RAPH1: variants seen among roughly 807,000 people sequenced by gnomAD.
RAPH1 encodes ras-associated and pleckstrin homology domains-containing protein 1.
In RAPH1, 18 loss-of-function variants were observed where a neutral mutation model predicts 88.1. The observed-to-expected ratio is 0.20, with a 90% CI of 0.14 to 0.30. RAPH1 has a LOEUF of 0.30. Ranked by LOEUF, RAPH1 falls within the 10% of genes least tolerant of loss-of-function variation. RAPH1 has a pLI of 1.00. For missense variants in RAPH1, 1,448 were observed against 1,543.2 expected, an observed-to-expected ratio of 0.94 and a Z score of 1.03; for synonymous variants, 587 against 559.0, an observed-to-expected ratio of 1.05 and a Z score of -0.71.
chr2:203,497,070 G>T (rs1197600804), intron 1 of RAPH1, among the ~76,000 whole-genome samples: 4 of 152,202 alleles, frequency 2.6e-5, no homozygotes, highest in Non-Finnish European at 5.9e-5. Flanking sequence ...GGGCCTTAAA[G>T]AAGTGATTGG....
chr2:203,502,217 G>A lies in RAPH1; in HGVS notation c.1-6864C>T, dbSNP rs866515512. Among the ~76,000 whole-genome samples the A allele has an allele frequency of 4.6e-5, 7 of 152,288 alleles. No homozygotes were observed. In the South Asian group the frequency reaches 1.5e-3, roughly 32 times the overall value. On this transcript the variant is annotated intron_variant, in intron 1 of 13. Coordinates refer to ENST00000319170, the MANE Select transcript of RAPH1 (RefSeq NM_213589.3). ...ACCTGGAACTCAGTTTTGTAAAACT[G>A]CCAGATGGAACCAAACCTTCCTAAC...
intron 4 of RAPH1, among the ~76,000 whole-genome samples, chr2:203,474,201 CAA>C (rs1162761244): frequency 6.6e-6 from 1 of 152,102 alleles, no homozygotes; most frequent in African/African-American, 2.4e-5. Context: ...CAGTGGTTCT[CAA>C]AAGAGGGTAG....
intron 1 of RAPH1, among the ~76,000 whole-genome samples, chr2:203,533,172 G>A (rs1475164186): frequency 1.3e-5 from 2 of 152,148 alleles, no homozygotes; most frequent in Non-Finnish European, 2.9e-5. Flanking sequence ...CTTTCACCCA[G>A]TCACATACTC....
intron 4 of RAPH1, among the ~76,000 whole-genome samples, chr2:203,479,391 G>A (rs772463459): frequency 5.1e-4 from 78 of 152,076 alleles, no homozygotes; most frequent in Admixed American, 1.8e-3. Context: ...ATCACTTGAG[G>A]TCAGGAGTTC....
At chr2:203,466,304 T>C (rs2098528427) in intron 4 of RAPH1, among the ~76,000 whole-genome samples, 1 of 152,214 alleles carries the variant, frequency 6.6e-6, no homozygotes, top group African/African-American at 2.4e-5. Flanking sequence ...CTAATATTTT[T>C]ATGCTTCCTG....
At chr2:203,506,747 T>TCG (rs1559494088) in intron 1 of RAPH1, among the ~76,000 whole-genome samples, 10 of 120,514 alleles carry the variant, frequency 8.3e-5, no homozygotes, top group African/African-American at 4.0e-4. Flanking sequence ...TATATCTATA[T>TCG]ATATATATAT....
rs752422553 is a variant in RAPH1 at position 203,437,412 on chromosome 2, CTA to C, written c.*2023_*2024del. The C allele has an allele frequency of 7.9e-5, 12 of 152,300 alleles. No homozygotes were observed. Among genetic ancestry groups the C allele is most frequent in the South Asian group, 4.1e-4 (2 of 4,830 alleles). The allele number at this position is 152,300 out of a possible 1,614,324, so 9.4% of individuals were successfully genotyped here. On this transcript the variant is annotated 3_prime_UTR_variant, in exon 14 of 14. Coordinates refer to ENST00000319170, the MANE Select transcript of RAPH1 (RefSeq NM_213589.3). Reference sequence around the variant, plus strand: ...AAACTATAAAACTGCAGGCAGAAGACTATGAGAAATTCATTCATGAATCACAG... The same window carrying C: ...AAACTATAAAACTGCAGGCAGAAGACTGAGAAATTCATTCATGAATCACAG...
At chr2:203,506,761 T>G (rs182751700) in intron 1 of RAPH1, among the ~76,000 whole-genome samples, 4,455 of 128,524 alleles carry the variant, frequency 0.035, 201 homozygotes, top group Middle Eastern at 0.049. Context: ...TATATATCTA[T>G]ATATATATCT....
At chr2:203,468,775 T>A (rs1335383604) in intron 4 of RAPH1, among the ~76,000 whole-genome samples, 3 of 152,164 alleles carry the variant, frequency 2.0e-5, no homozygotes, top group East Asian at 3.9e-4. Context: ...ATAAAATGGA[T>A]TGGAAGGGGG....
intron 1 of RAPH1, among the ~76,000 whole-genome samples, chr2:203,529,006 T>TAC (rs1553633902): frequency 8.7e-5 from 4 of 46,098 alleles, no homozygotes; most frequent in Admixed American, 2.3e-4. Flanking sequence ...TATATATATA[T>TAC]TTTTTTTTTT....
At chr2:203,456,844 TTTAA>T (rs1288715145) in intron 8 of RAPH1, among the ~76,000 whole-genome samples, 1 of 152,188 alleles carries the variant, frequency 6.6e-6, no homozygotes, top group Non-Finnish European at 1.5e-5. Flanking sequence ...TTAAAAATTA[TTTAA>T]TTATTTAAGG....
chr2:203,498,473 A>T (rs1398175387), intron 1 of RAPH1, among the ~76,000 whole-genome samples: 1 of 152,242 alleles, frequency 6.6e-6, no homozygotes, highest in Non-Finnish European at 1.5e-5. Flanking sequence ...CAGGTATTAT[A>T]TCATTCCCAT....
In RAPH1 at chr2:203,440,219, C is replaced by T. The variant is rs374132031; in HGVS notation, c.2971G>A (p.Glu991Lys). ...CTGTCCACCGAGGGTCTCTTGGGCT[C>T]GGGGTGCTCTGCACCACTGCTGGAT... ...IKSSSGAEHPEPKRPSVDSLV... is the reference protein window; with the variant it reads ...IKSSSGAEHPKPKRPSVDSLV... Residue 991 changes from glutamate to lysine, a missense_variant, in exon 14 of 14, where the codon GAG becomes AAG. Around this residue, in one of 2 missense-constraint regions of RAPH1, gnomAD observed 935 missense variants for 890.1 expected, o/e 1.05. Transcript: ENST00000319170. 245 of 1,613,792 alleles carry T rather than the reference C, an allele frequency of 1.5e-4. No homozygotes were observed. The highest frequency in any genetic ancestry group is 1.9e-4 in the Non-Finnish European group (225 of 1,179,998).
intron 1 of RAPH1, among the ~76,000 whole-genome samples, chr2:203,528,637 G>A (rs993856875): frequency 6.6e-6 from 1 of 152,122 alleles, no homozygotes; most frequent in Non-Finnish European, 1.5e-5. Context: ...GGAAATTTCT[G>A]TGTTAATGAG....
chr2:203,516,142 T>C (rs1581397889), intron 1 of RAPH1, among the ~76,000 whole-genome samples: 1 of 152,192 alleles, frequency 6.6e-6, no homozygotes, highest in African/African-American at 2.4e-5. Context: ...TATTTTGTTA[T>C]AAGGTACTCA....
chr2:203,483,058 G>A (rs1223175065), intron 4 of RAPH1, among the ~76,000 whole-genome samples: 1 of 152,190 alleles, frequency 6.6e-6, no homozygotes, highest in Non-Finnish European at 1.5e-5. Context: ...AGTATGGCTA[G>A]TGGGGTAAGG....
intron 1 of RAPH1, among the ~76,000 whole-genome samples, chr2:203,512,680 T>C (rs575201433): frequency 6.1e-5 from 9 of 148,296 alleles, no homozygotes; most frequent in Admixed American, 4.8e-4. Context: ...TGGAGTACAG[T>C]GGTGCCATCT....
Position 203,440,979 on chromosome 2 carries a change from A to C in RAPH1, c.2211T>G (p.Leu737=), listed in dbSNP as rs1426336207. Residue 737 remains leucine, a synonymous_variant, in exon 14 of 14, where the codon CTT becomes CTG. Coordinates refer to ENST00000319170, the MANE Select transcript of RAPH1 (RefSeq NM_213589.3). The part of the protein sequence containing the change: ...QLKPAPCAPS[L]PQFSAPPPPL... Reference sequence around the variant, plus strand: ...GAGGAGGCGGGGCACTGAACTGTGGAAGGGATGGGGCACACGGTGCAGGCT... The same window carrying C: ...GAGGAGGCGGGGCACTGAACTGTGGCAGGGATGGGGCACACGGTGCAGGCT... 2.0e-6 allele frequency: 3 copies of C among 1,513,740 alleles called. No homozygotes were observed. The African/African-American group carries it at 4.4e-5, about 22-fold the overall frequency. The allele number at this position is 1,513,740 out of a possible 1,614,324, so 93.8% of individuals were successfully genotyped here.
At chr2:203,527,072 C>T (rs190640057) in intron 1 of RAPH1, among the ~76,000 whole-genome samples, 1 of 152,240 alleles carries the variant, frequency 6.6e-6, no homozygotes, top group Non-Finnish European at 1.5e-5. Flanking sequence ...GCGTGAGCCA[C>T]CGTGCTTGGC....
Sources: gnomAD v4.1 joint callset for allele counts (sites outside exome capture counted in the v4.1 genomes callset) on GRCh38, gnomAD v4.1.1 for gene constraint, gnomAD v4.1.1 regional missense constraint, MANE v1.5 for transcripts, NCBI Gene and HGNC (gene_info 2026-07-23, HGNC 2026-07-21) for gene names.